Variants in MACF1 observed in about 807,000 individuals in gnomAD.
MACF1 encodes microtubule actin crosslinking factor 1, also known as microtubule-actin cross-linking factor 1.
In MACF1, 193 loss-of-function variants were observed where a neutral mutation model predicts 854.8. That is an observed-to-expected ratio of 0.23 (90% CI 0.20 to 0.25). The LOEUF is 0.25. MACF1 is among the 10% of genes least tolerant of loss of function. The pLI is 1.00. For missense variants in MACF1, 7,722 were observed against 8,929.1 expected (o/e 0.86, Z 5.45); for synonymous variants, 3,185 against 3,226.7 (o/e 0.99, Z 0.44).
chr1:39,451,679 C>T (rs1350281488), intron 85 of MACF1, among the ~76,000 whole-genome samples: 1 of 152,000 alleles, frequency 6.6e-6, no homozygotes, highest in Admixed American at 6.6e-5. Context: ...TTAACTTTAC[C>T]TTGAAATTAC....
At chr1:39,227,326 G>T (rs74485364) in intron 1 of MACF1, among the ~76,000 whole-genome samples, 1 of 152,038 alleles carries the variant, frequency 6.6e-6, no homozygotes, top group African/African-American at 2.4e-5. Context: ...AATTGAGAAC[G>T]CTCTCCGGTG....
At chr1:39,297,821 T>G (rs1455442089) in intron 21 of MACF1, 76 bp downstream of exon 21, 12 of 1,555,476 alleles carry the variant, frequency 7.7e-6, no homozygotes, top group Non-Finnish European at 1.0e-5. Flanking sequence ...GTTTATATCC[T>G]TGAAAGCTCC....
chr1:39,170,999 C>T (rs1643940600), intron 2 of MACF1, among the ~76,000 whole-genome samples: 1 of 152,136 alleles, frequency 6.6e-6, no homozygotes, highest in African/African-American at 2.4e-5. Flanking sequence ...TGTAACTTGT[C>T]CCCCACTTGG....
intron 2 of MACF1, among the ~76,000 whole-genome samples, chr1:39,097,779 C>T (rs1419938636): frequency 6.6e-6 from 1 of 152,126 alleles, no homozygotes; most frequent in Non-Finnish European, 1.5e-5. Flanking sequence ...GGGCCTGTGC[C>T]CCAGGACTGC....
At chr1:39,107,365 C>T (rs188790966) in intron 2 of MACF1, among the ~76,000 whole-genome samples, 1 of 152,014 alleles carries the variant, frequency 6.6e-6, no homozygotes, top group Admixed American at 6.5e-5. Context: ...GTTTGGCTTT[C>T]CTCTGAAGGG....
chr1:39,104,587 A>G (rs1423705761), intron 2 of MACF1, among the ~76,000 whole-genome samples: 1 of 152,054 alleles, frequency 6.6e-6, no homozygotes, highest in East Asian at 1.9e-4. Context: ...TGGAGGGTCT[A>G]TCCCCTACAG....
intron 49 of MACF1, among the ~76,000 whole-genome samples, chr1:39,363,616 T>TTTTA (rs1648403817): frequency 6.6e-6 from 1 of 150,960 alleles, no homozygotes; most frequent in Non-Finnish European, 1.5e-5. Context: ...TTTTTTTTTT[T>TTTTA]TTTTGAGACA....
intron 23 of MACF1, among the ~76,000 whole-genome samples, chr1:39,307,901 C>CTTTCTTTTTTTTTT (rs1222230255): frequency 1.2e-4 from 6 of 50,406 alleles, no homozygotes; most frequent in African/African-American, 1.5e-4. Context: ...TTCTTTCTTT[C>CTTTCTTTTTTTTTT]TTTTTTTTTT....
intron 25 of MACF1, 36 bp from the exon 26 acceptor site, chr1:39,310,795 C>G (rs773164551): frequency 6.4e-7 from 1 of 1,568,458 alleles, no homozygotes; most frequent in Admixed American, 1.8e-5. Flanking sequence ...TCTCTGATGT[C>G]GAGCTTACTG....
upstream of MACF1, among the ~76,000 whole-genome samples, chr1:39,203,349 C>T (rs1644414790): frequency 6.6e-6 from 1 of 152,124 alleles, no homozygotes; most frequent in African/African-American, 2.4e-5. Context: ...ACTATACACA[C>T]ATACCATCTC....
intron 51 of MACF1, among the ~76,000 whole-genome samples, chr1:39,371,285 T>C (rs936780127): frequency 3.7e-5 from 5 of 134,326 alleles, no homozygotes; most frequent in Non-Finnish European, 4.6e-5. Flanking sequence ...GCCACTGCAC[T>C]CCAGCCTGGG....
At position 39,387,466 on chromosome 1, in the gene MACF1, A is replaced by C. The variant is rs1445904112; in HGVS notation, c.14624A>C (p.Asn4875Thr). 6.2e-7 allele frequency: 1 copy of C among 1,614,016 alleles called. No homozygotes were observed. Among genetic ancestry groups the C allele is most frequent in the East Asian group, 2.2e-5 (1 of 44,898 alleles). The change falls in exon 58 of 101, where the codon AAC becomes ACC. Residue 4875 changes from asparagine to threonine, a missense_variant. This residue lies in a region of MACF1 where 2,807 missense variants were observed against 3,235.8 expected (regional missense o/e 0.87). Coordinates refer to ENST00000564288, the MANE Select transcript of MACF1 (RefSeq NM_001394062.1). ...PPGEEKRTLQ[N>T]QLVELKNHWE... is the part of the protein sequence containing the mutation. Reference sequence around the variant, plus strand: ...GGAGAAGAGAAAAGGACTCTACAAAACCAGTTGGTTGAGCTCAAAAACCAT... The same window carrying C: ...GGAGAAGAGAAAAGGACTCTACAAACCCAGTTGGTTGAGCTCAAAAACCAT...
At chr1:39,202,304 G>C (rs947466992), upstream of MACF1, among the ~76,000 whole-genome samples, 1 of 149,760 alleles carries the variant, frequency 6.7e-6, no homozygotes, top group Non-Finnish European at 1.5e-5. Flanking sequence ...CTTATTAGAC[G>C]AGCCTTCTCT....
intron 1 of MACF1, among the ~76,000 whole-genome samples, chr1:39,218,306 T>C (rs1355825280): frequency 6.6e-6 from 1 of 151,590 alleles, no homozygotes; most frequent in African/African-American, 2.4e-5. Context: ...AAAAATAAAA[T>C]TTTAAAAATA....
At chr1:39,359,292 C>T in intron 47 of MACF1, 28 bp downstream of exon 47, 1 of 1,611,634 alleles carries the variant, frequency 6.2e-7, no homozygotes. Flanking sequence ...TATAATAGTA[C>T]TCCCTTAATT....
At chr1:39,123,273 T>C (rs938627828) in intron 2 of MACF1, among the ~76,000 whole-genome samples, 1 of 146,640 alleles carries the variant, frequency 6.8e-6, no homozygotes, top group African/African-American at 2.5e-5. Flanking sequence ...AGTGGTGCGA[T>C]CTTGGCTCAC....
chr1:39,246,473 G>A (rs1571218455), intron 2 of MACF1, among the ~76,000 whole-genome samples: 1 of 152,116 alleles, frequency 6.6e-6, no homozygotes. Flanking sequence ...GTTCCACACT[G>A]CAAACTTGAA....
intron 36 of MACF1, among the ~76,000 whole-genome samples, chr1:39,330,107 A>G (rs564129074): frequency 5.9e-5 from 9 of 152,382 alleles, no homozygotes; most frequent in East Asian, 1.9e-4. Context: ...CAGTAGATCT[A>G]GTAATAAGTG....
In MACF1 at chr1:39,284,152, T is replaced by A; in HGVS notation, c.1002T>A (p.Asp334Glu). ...AACAGCATACAATACTGATGTCAGA[T>A]AAAACTTTTCCCCAAAACCCTGTTG... is the stretch of plus-strand genomic sequence containing the variant. Reference protein sequence around the residue: ...WIKQHTILMSDKTFPQNPVEL... With the variant: ...WIKQHTILMSEKTFPQNPVEL... The change falls in exon 10 of 101, where the codon GAT (aspartate) becomes GAA (glutamate). Residue 334 changes from aspartate (D) to glutamate (E), a missense_variant. Transcript: ENST00000564288. The A allele has an allele frequency of 6.2e-7, 1 of 1,613,840 alleles. No homozygotes were observed. Among genetic ancestry groups the A allele is most frequent in the Non-Finnish European group, 8.5e-7 (1 of 1,179,910 alleles).
Sources: gnomAD v4.1 joint callset for allele counts (sites outside exome capture counted in the v4.1 genomes callset) on GRCh38, gnomAD v4.1.1 for gene constraint, gnomAD v4.1.1 regional missense constraint, MANE v1.5 for transcripts, NCBI Gene and HGNC (gene_info 2026-07-23, HGNC 2026-07-21) for gene names.